The following SHANK2 variants were observed in gnomAD, a reference collection of about 807,000 sequenced individuals.
SHANK2 encodes the protein SH3 and multiple ankyrin repeat domains protein 2.
Under a neutral mutation model 133.7 loss-of-function variants are expected in SHANK2, and 43 were observed. The ratio of observed to expected loss-of-function variants is 0.32; its 90% CI spans 0.25 to 0.41. The LOEUF is 0.41. Ranked by LOEUF, SHANK2 falls within the 10% of genes least tolerant of loss-of-function variation. The pLI is 1.00. For missense variants in SHANK2, 1,994 were observed against 2,235.8 expected (o/e 0.89, Z 2.18); for synonymous variants, 1,017 against 952.8 (o/e 1.07, Z -1.24).
chr11:70,845,215 A>AAAAG (rs1555062889), intron 11 of SHANK2, among the ~76,000 whole-genome samples: 24 of 149,342 alleles, frequency 1.6e-4, no homozygotes, highest in African/African-American at 5.5e-4. Flanking sequence ...AAAAAAAAAA[A>AAAAG]AAAAGAAAAA....
rs782232792 is a variant in SHANK2 at position 70,503,578 on chromosome 11, G to A, written c.2062-647C>T. 5.9e-5 allele frequency among the ~76,000 whole-genome samples: 9 copies of A among 152,192 alleles called. No homozygotes were observed. The South Asian group carries it at 1.2e-3, about 21-fold the overall frequency. ...CTAGCTGCCCCAGTGCTCCTGGGACGGTGAGTGGCAGGCTGGGGACCCCCA... is the reference window on the plus strand; with the variant it reads ...CTAGCTGCCCCAGTGCTCCTGGGACAGTGAGTGGCAGGCTGGGGACCCCCA... On this transcript the variant is annotated intron_variant, in intron 17 of 25. Coordinates refer to ENST00000601538, the MANE Select transcript of SHANK2 (RefSeq NM_012309.5).
rs1466206835 is a variant in SHANK2 at position 70,599,905 on chromosome 11, G to GAAAGAA, written c.2061+59922_2061+59923insTTCTTT. 2.2e-3 allele frequency among the ~76,000 whole-genome samples: 163 copies of GAAAGAA among 73,736 alleles called. 2 individuals are homozygous for GAAAGAA. Among genetic ancestry groups the GAAAGAA allele is most frequent in the East Asian group, 0.021 (38 of 1,826 alleles). The allele number at this position is 73,736 out of a possible 152,430, so 48.4% of individuals were successfully genotyped here. ...AAAGAAAGAAAAAGAAAGAAAGAAA[G>GAAAGAA]AGAAAGAAAGAAAGAAAGAAAGAAA... is the stretch of plus-strand genomic sequence containing the variant. On this transcript the variant is annotated intron_variant, in intron 17 of 25. Transcript: ENST00000601538.
intron 14 of SHANK2, among the ~76,000 whole-genome samples, chr11:70,720,804 CATAT>C (rs1325892652): frequency 6.6e-6 from 1 of 152,228 alleles, no homozygotes; most frequent in African/African-American, 2.4e-5. Context: ...TGTGCATGCA[CATAT>C]ATACACACAT....
chr11:71,061,551 A>C, intron 9 of SHANK2, among the ~76,000 whole-genome samples: 1 of 152,302 alleles, frequency 6.6e-6, no homozygotes, highest in East Asian at 1.9e-4. Flanking sequence ...TAGTGGCAGC[A>C]GAATGAGCTT....
chr11:71,238,515 G>A (rs1478769279), intron 1 of SHANK2, among the ~76,000 whole-genome samples: 3 of 152,210 alleles, frequency 2.0e-5, no homozygotes, highest in Non-Finnish European at 4.4e-5. Flanking sequence ...GAGCTGCTCT[G>A]CACCGCAACG....
chr11:71,212,395 C>T (rs1954301668), intron 2 of SHANK2, among the ~76,000 whole-genome samples: 1 of 152,198 alleles, frequency 6.6e-6, no homozygotes, highest in Admixed American at 6.5e-5. Context: ...TGTTCTCAGA[C>T]CTGGCTTTAA....
At chr11:70,820,775 C>T (rs1312816805) in intron 11 of SHANK2, 93 bp from the exon 12 acceptor site, 1 of 578,182 alleles carries the variant, frequency 1.7e-6, no homozygotes, top group East Asian at 2.9e-5. Context: ...CTGCGTGCGT[C>T]CAAGCCCCCA....
At chr11:71,183,995 C>T (rs926049525) in intron 2 of SHANK2, among the ~76,000 whole-genome samples, 1 of 152,148 alleles carries the variant, frequency 6.6e-6, no homozygotes, top group East Asian at 1.9e-4. Context: ...CCATTTCACA[C>T]GGGCCAAGAA....
chr11:71,113,250 G>A (rs1555099741), intron 5 of SHANK2, 43 bp downstream of exon 5: 11 of 1,506,222 alleles, frequency 7.3e-6, no homozygotes, highest in African/African-American at 6.9e-5. Flanking sequence ...CAAGGAGGAC[G>A]CCGCCTGCCT....
intron 3 of SHANK2, among the ~76,000 whole-genome samples, chr11:71,129,714 G>T (rs1555103373): frequency 6.6e-6 from 1 of 152,200 alleles, no homozygotes; most frequent in East Asian, 1.9e-4. Context: ...TGAGTTACAA[G>T]TATTCTGCAA....
intron 3 of SHANK2, among the ~76,000 whole-genome samples, chr11:71,129,790 G>A (rs1555103385): frequency 6.6e-6 from 1 of 152,246 alleles, no homozygotes; most frequent in Non-Finnish European, 1.5e-5. Context: ...GACAGGCAGA[G>A]GCAGCTGTGT....
intron 17 of SHANK2, among the ~76,000 whole-genome samples, chr11:70,567,748 G>C (rs1157159369): frequency 1.3e-5 from 2 of 152,180 alleles, no homozygotes; most frequent in African/African-American, 4.8e-5. Flanking sequence ...CCCAGACCCT[G>C]AGACACCTTG....
At chr11:70,760,915 T>C (rs1307141650) in intron 14 of SHANK2, among the ~76,000 whole-genome samples, 2 of 152,104 alleles carry the variant, frequency 1.3e-5, no homozygotes, top group Non-Finnish European at 2.9e-5. Context: ...TCCAGAGCCA[T>C]GTTTGCAGGG....
chr11:70,930,720 G>A (rs1335488429), intron 10 of SHANK2, among the ~76,000 whole-genome samples: 1 of 146,488 alleles, frequency 6.8e-6, no homozygotes, highest in African/African-American at 2.5e-5. Flanking sequence ...CTGGAGGCTG[G>A]AGTGTAGTGG....
At chr11:70,601,030 T>TATCTAC (rs1554990960) in intron 17 of SHANK2, among the ~76,000 whole-genome samples, 1 of 136,670 alleles carries the variant, frequency 7.3e-6, no homozygotes, top group Non-Finnish European at 1.7e-5. Flanking sequence ...TCTATATCTA[T>TATCTAC]ATCTATATCT....
intron 9 of SHANK2, among the ~76,000 whole-genome samples, chr11:71,072,071 G>A (rs896057424): frequency 2.0e-5 from 3 of 152,146 alleles, no homozygotes; most frequent in African/African-American, 7.2e-5. Flanking sequence ...AAAAAAGAAG[G>A]CACGGACAGA....
intron 17 of SHANK2, among the ~76,000 whole-genome samples, chr11:70,508,309 A>C (rs1000989899): frequency 3.3e-5 from 5 of 152,100 alleles, no homozygotes; most frequent in Non-Finnish European, 7.4e-5. Flanking sequence ...TCCCGACAGA[A>C]TGCTCAGCAC....
Position 70,935,476 on chromosome 11 carries a change from C to T in SHANK2, c.1108-38909G>A, listed in dbSNP as rs143302606. On this transcript the variant is annotated intron_variant, in intron 10 of 25. Transcript: ENST00000601538. ...AAAGGGAGAGTGACAGCCAAGCAGA[C>T]GGGTTCAAGGACACCTCTGAACCAC... Among the ~76,000 whole-genome samples the T allele has an allele frequency of 3.1e-4, 47 of 152,230 alleles. No individual in the cohort carries two copies. The East Asian group carries it at 5.4e-3, about 18-fold the overall frequency.
At chr11:71,090,811 G>A (rs1353615265) in intron 8 of SHANK2, among the ~76,000 whole-genome samples, 4 of 152,158 alleles carry the variant, frequency 2.6e-5, no homozygotes, top group East Asian at 1.9e-4. Context: ...GAAATCTGCA[G>A]GGCAGGCTGG....
Sources: gnomAD v4.1 joint callset for allele counts (sites outside exome capture counted in the v4.1 genomes callset) on GRCh38, gnomAD v4.1.1 for gene constraint, MANE v1.5 for transcripts, NCBI Gene and HGNC (gene_info 2026-07-23, HGNC 2026-07-21) for gene names.